The following BNIPL variants were observed in gnomAD, a reference collection of about 807,000 sequenced individuals.
BNIPL encodes the protein BCL2 interacting protein like, also known as bcl-2/adenovirus E1B 19 kDa-interacting protein 2-like protein.
A neutral mutation model predicts 47.0 loss-of-function variants in BNIPL; 33 were observed. The ratio of observed to expected loss-of-function variants is 0.70; its 90% CI spans 0.53 to 0.94. BNIPL has a LOEUF of 0.94. BNIPL is among the 40% of genes least tolerant of loss of function. The pLI, the probability that BNIPL is intolerant of heterozygous loss-of-function variation, is 0.00. For synonymous variants in BNIPL, 145 were observed against 162.7 expected, an observed-to-expected ratio of 0.89 and a Z score of 0.83; for missense variants, 404 against 445.2, an observed-to-expected ratio of 0.91 and a Z score of 0.83.
Position 151,043,354 on chromosome 1 carries a change from T to A in BNIPL, c.639T>A (p.Asn213Lys). 6.2e-7 allele frequency: 1 copy of A among 1,610,570 alleles called. No individual in the cohort carries two copies. Among genetic ancestry groups the A allele is most frequent in the East Asian group, 2.2e-5 (1 of 44,874 alleles). ...CAGGTTACCACGGTGATGGCCTCAATGCTGTCATCCTTTTTGCTTCCTGTT... is the reference window on the plus strand; with the variant it reads ...CAGGTTACCACGGTGATGGCCTCAAAGCTGTCATCCTTTTTGCTTCCTGTT... Reference protein sequence around the residue: ...SHGGYHGDGLNAVILFASCYL... With the variant: ...SHGGYHGDGLKAVILFASCYL... Residue 213 changes from asparagine to lysine, a missense_variant, in exon 6 of 10, where the codon AAT becomes AAA. Transcript: ENST00000368931.
Position 151,046,792 on chromosome 1 carries a change from T to TGCG in BNIPL, c.*105_*106insGCG. ...TAAATCATCTTATCCCCAACCTCAGTACCACCGGATCTTCACTTCTCAGTG... is the reference window on the plus strand; with the variant it reads ...TAAATCATCTTATCCCCAACCTCAGTGCGACCACCGGATCTTCACTTCTCAGTG... On this transcript the variant is annotated 3_prime_UTR_variant, in exon 10 of 10. Transcript: ENST00000368931. 5 of 872,770 alleles carry TGCG rather than the reference T, an allele frequency of 5.7e-6. No individual in the cohort carries two copies. Among genetic ancestry groups the TGCG allele is most frequent in the Admixed American group, 4.7e-5 (2 of 42,152 alleles). 54.1% of individuals were successfully genotyped at this position (872,770 alleles called of 1,614,324 possible).
intron 1 of BNIPL, 67 bp from the exon 2 acceptor site, chr1:151,037,500 C>A: frequency 3.3e-6 from 5 of 1,537,316 alleles, no homozygotes; most frequent in Non-Finnish European, 4.4e-6. Flanking sequence ...AATTACTGTT[C>A]TTCATTTCAA....
intron 7 of BNIPL, chr1:151,045,428 G>A (rs768407035): frequency 1.9e-4 from 34 of 180,402 alleles, no homozygotes; most frequent in South Asian, 1.4e-3. Flanking sequence ...GCACGGTGGC[G>A]GGCGCCTGTA....
At position 151,043,088 on chromosome 1, in the gene BNIPL, G is replaced by GC; in HGVS notation, c.567dup (p.Val190ArgfsTer7). 1 of 1,612,448 alleles carries GC rather than the reference G, an allele frequency of 6.2e-7. No homozygotes were observed. On this transcript the variant is annotated frameshift_variant, in exon 5 of 10. Transcript: ENST00000368931. LOFTEE classifies it high-confidence loss of function. ...TTCCGAATGGGACCACGGGAGCAGC[G>GC]CGTAGACATGACTGTCATTGAGCCC... is the stretch of plus-strand genomic sequence containing the variant.
rs1675890509 is a variant in BNIPL, at chr1:151,043,155, T to C, written c.616+17T>C. The stretch of plus-strand genomic sequence containing the variant: ...CTCATGGAGGTAATGGCTAGCATAA[T>C]GCAGGTGTTAAGAGCTATGGCTTCT... On this transcript the variant is annotated intron_variant, in intron 5 of 9. Coordinates refer to ENST00000368931, the MANE Select transcript of BNIPL (RefSeq NM_138278.4). 1 of 1,605,426 alleles carries C rather than the reference T, an allele frequency of 6.2e-7. No homozygotes were observed. The highest frequency in any genetic ancestry group is 8.5e-7 in the Non-Finnish European group (1 of 1,172,526).
intron 4 of BNIPL, among the ~76,000 whole-genome samples, chr1:151,041,764 A>G (rs1190958109): frequency 2.0e-5 from 3 of 152,226 alleles, no homozygotes; most frequent in Admixed American, 6.5e-5. Flanking sequence ...ACCTGAGGTC[A>G]GGAGTTTGAG....
intron 4 of BNIPL, among the ~76,000 whole-genome samples, chr1:151,041,873 G>T (rs1408345068): frequency 6.6e-6 from 1 of 152,110 alleles, no homozygotes; most frequent in Admixed American, 6.6e-5. Flanking sequence ...TACTCGGGAG[G>T]CTGAGGCAGG....
intron 7 of BNIPL, chr1:151,044,839 C>G (rs1675949364): frequency 7.8e-7 from 1 of 1,290,300 alleles, no homozygotes; most frequent in Non-Finnish European, 1.0e-6. Context: ...TCTTCTTGCC[C>G]CCTTTCCTTT....
intron 2 of BNIPL, among the ~76,000 whole-genome samples, chr1:151,038,074 A>G (rs1304575120): frequency 6.8e-6 from 1 of 146,668 alleles, no homozygotes; most frequent in African/African-American, 2.6e-5. Flanking sequence ...AAGGAAAAAA[A>G]TGGGAAAAAG....
chr1:151,041,803 G>A (rs1007455393), intron 4 of BNIPL, among the ~76,000 whole-genome samples: 24 of 151,920 alleles, frequency 1.6e-4, no homozygotes, highest in Admixed American at 1.4e-3. Flanking sequence ...GCAAAACCTC[G>A]TCTCTACTAA....
At chr1:151,038,144 G>A (rs1370067583) in intron 2 of BNIPL, among the ~76,000 whole-genome samples, 2 of 152,036 alleles carry the variant, frequency 1.3e-5, no homozygotes, top group Admixed American at 6.6e-5. Context: ...GGAGGCCGAG[G>A]CAGGTGGATC....
intron 5 of BNIPL, 57 bp from the exon 6 acceptor site, chr1:151,043,275 T>C (rs1169915286): frequency 6.7e-6 from 10 of 1,497,294 alleles, no homozygotes; most frequent in East Asian, 2.3e-5. Context: ...TAAACAGATA[T>C]ACTATCTGTC....
At chr1:151,045,558 C>CAAAAA (rs587769189) in intron 7 of BNIPL, 98 of 249,772 alleles carry the variant, frequency 3.9e-4, no homozygotes, top group East Asian at 1.1e-3. Context: ...GACTCCGTCT[C>CAAAAA]AAAAAAAAAA....
chr1:151,038,541 G>C lies in BNIPL; in HGVS notation c.175G>C (p.Glu59Gln), dbSNP rs1287193130. The change falls in exon 3 of 10, where the codon GAA becomes CAA. Residue 59 changes from glutamate to glutamine, a missense_variant. Glu to Gln is a conservative substitution (Grantham distance 29). Coordinates refer to ENST00000368931, the MANE Select transcript of BNIPL (RefSeq NM_138278.4). ...PEEAGTSEDP[E>Q]DPKGDSQAAA... ...GGAGGCTGGCACTTCTGAAGATCCT[G>C]AAGACCCTAAAGGAGATTCACAGGC... The C allele has an allele frequency of 6.2e-7, 1 of 1,613,814 alleles. No individual in the cohort carries two copies.
At chr1:151,041,160 G>A (rs1297093260) in intron 4 of BNIPL, among the ~76,000 whole-genome samples, 1 of 152,056 alleles carries the variant, frequency 6.6e-6, no homozygotes, top group Non-Finnish European at 1.5e-5. Context: ...ACTCCAGCCT[G>A]GAAGACAGAG....
At position 151,036,643 on chromosome 1, in the gene BNIPL, G is replaced by T. The variant is rs149999726; in HGVS notation, c.-83G>T. 1 of 1,252,172 alleles carries T rather than the reference G, an allele frequency of 8.0e-7. No homozygotes were observed. Among genetic ancestry groups the T allele is most frequent in the Non-Finnish European group, 1.2e-6 (1 of 851,780 alleles). 77.6% of individuals were successfully genotyped at this position (1,252,172 alleles called of 1,614,324 possible). On this transcript the variant is annotated 5_prime_UTR_variant, in exon 1 of 10. Transcript: ENST00000368931. ...CTACAACAGCTGAGACAGAAAAGAG[G>T]TAAGGAAGTGTTGGGGGCTGGGACA...
chr1:151,046,317 C>T (rs1453621548), intron 9 of BNIPL, 152 bp downstream of exon 9: 39 of 1,201,494 alleles, frequency 3.2e-5, no homozygotes, highest in Non-Finnish European at 4.1e-5. Context: ...TGCACACACC[C>T]AGAGAAGAAA....
chr1:151,037,255 TG>T, intron 1 of BNIPL: 2 of 884,214 alleles, frequency 2.3e-6, no homozygotes, highest in Non-Finnish European at 2.9e-6. Context: ...GATAGCTGGG[TG>T]GGTCTAGCTG....
chr1:151,038,755 A>T, intron 3 of BNIPL, 41 bp from the exon 4 acceptor site: 1 of 1,556,080 alleles, frequency 6.4e-7, no homozygotes, highest in Non-Finnish European at 8.7e-7. Context: ...GCTCTCCAAC[A>T]CACACACCCA....
Sources: gnomAD v4.1 joint callset for allele counts (sites outside exome capture counted in the v4.1 genomes callset) on GRCh38, gnomAD v4.1.1 for gene constraint, MANE v1.5 for transcripts, NCBI Gene and HGNC (gene_info 2026-07-23, HGNC 2026-07-21) for gene names.